Variants in RABGAP1L observed in about 807,000 individuals in gnomAD.
RABGAP1L encodes the protein RAB GTPase activating protein 1 like.
RABGAP1L carries 63 observed loss-of-function variants against 137.7 expected under a neutral mutation model. The ratio of observed to expected loss-of-function variants is 0.46; its 90% CI spans 0.37 to 0.56. The LOEUF (loss-of-function observed/expected upper bound fraction) is 0.56, where lower values mean the gene tolerates loss of function less well. Ranked by LOEUF, RABGAP1L falls within the 20% of genes least tolerant of loss-of-function variation. RABGAP1L has a pLI of 0.00. For synonymous variants in RABGAP1L, 431 were observed against 433.7 expected (o/e 0.99, Z 0.08); for missense variants, 1,095 against 1,244.0 (o/e 0.88, Z 1.80).
intron 19 of RABGAP1L, among the ~76,000 whole-genome samples, chr1:174,889,343 C>T (rs1474855007): frequency 1.3e-5 from 2 of 151,858 alleles, no homozygotes; most frequent in East Asian, 2.0e-4. Flanking sequence ...AGGCTGGTCT[C>T]GAACTGTTGA....
intron 13 of RABGAP1L, among the ~76,000 whole-genome samples, chr1:174,447,889 C>T (rs1159480405): frequency 1.2e-4 from 8 of 68,818 alleles, no homozygotes; most frequent in Admixed American, 2.9e-4. Context: ...CACCCCTTAC[C>T]GCCCCCCCCC....
At chr1:174,542,834 C>A (rs1024305645) in intron 13 of RABGAP1L, among the ~76,000 whole-genome samples, 2 of 152,152 alleles carry the variant, frequency 1.3e-5, no homozygotes, top group African/African-American at 4.8e-5. Flanking sequence ...TTTATTTCTG[C>A]CTTCATTTCG....
chr1:174,420,672 G>GT (rs1340488223), intron 13 of RABGAP1L, among the ~76,000 whole-genome samples: 7 of 123,760 alleles, frequency 5.7e-5, no homozygotes, highest in African/African-American at 1.2e-4. Flanking sequence ...GATTCTGGGT[G>GT]TTTTGTTTTT....
At chr1:174,820,013 G>A (rs1025657489) in intron 19 of RABGAP1L, among the ~76,000 whole-genome samples, 1 of 152,080 alleles carries the variant, frequency 6.6e-6, no homozygotes, top group Non-Finnish European at 1.5e-5. Context: ...ACAGGATCTA[G>A]GATGAAGGGA....
At chr1:174,230,327 A>C (rs1367729574) in intron 3 of RABGAP1L, among the ~76,000 whole-genome samples, 1 of 152,128 alleles carries the variant, frequency 6.6e-6, no homozygotes, top group Non-Finnish European at 1.5e-5. Flanking sequence ...CAGCACACCA[A>C]CATGGCACAT....
chr1:174,173,184 G>T (rs762111105), intron 1 of RABGAP1L, among the ~76,000 whole-genome samples: 64 of 150,924 alleles, frequency 4.2e-4, no homozygotes, highest in Non-Finnish European at 8.1e-4. Context: ...AGGCTGGAGT[G>T]CAATGGCATG....
At chr1:174,838,448 G>T (rs996390991) in intron 19 of RABGAP1L, among the ~76,000 whole-genome samples, 2 of 152,154 alleles carry the variant, frequency 1.3e-5, no homozygotes, top group African/African-American at 4.8e-5. Flanking sequence ...CAGAACATTT[G>T]ACCTAAAGCA....
chr1:174,446,375 G>C (rs1167616595), intron 13 of RABGAP1L, among the ~76,000 whole-genome samples: 1 of 152,202 alleles, frequency 6.6e-6, no homozygotes, highest in Admixed American at 6.5e-5. Flanking sequence ...TGGTGCACCA[G>C]AAAATAACTT....
At chr1:174,306,764 C>T (rs1678299451) in intron 11 of RABGAP1L, among the ~76,000 whole-genome samples, 1 of 152,004 alleles carries the variant, frequency 6.6e-6, no homozygotes, top group African/African-American at 2.4e-5. Flanking sequence ...CAATAACTGA[C>T]CTCACAAAAA....
chr1:174,858,827 A>C (rs1280999761), intron 19 of RABGAP1L, among the ~76,000 whole-genome samples: 4 of 152,212 alleles, frequency 2.6e-5, no homozygotes, highest in African/African-American at 9.7e-5. Flanking sequence ...TCTGGTAATA[A>C]ATGTCTCATC....
chr1:174,301,512 T>TA (rs1402579381), intron 10 of RABGAP1L, among the ~76,000 whole-genome samples: 2 of 151,694 alleles, frequency 1.3e-5, no homozygotes, highest in Non-Finnish European at 2.9e-5. Context: ...GCCACAATGT[T>TA]ACAGCCTTCT....
intron 11 of RABGAP1L, among the ~76,000 whole-genome samples, chr1:174,327,988 T>TATATATATATAC (rs1680644253): frequency 4.4e-5 from 1 of 22,802 alleles, no homozygotes; most frequent in African/African-American, 1.4e-4. Flanking sequence ...TACACACACA[T>TATATATATATAC]ATATATATAT....
intron 19 of RABGAP1L, among the ~76,000 whole-genome samples, chr1:174,843,682 A>G (rs2148955829): frequency 1.4e-5 from 1 of 71,078 alleles, no homozygotes; most frequent in East Asian, 3.5e-4. Flanking sequence ...ATGCCGCAAT[A>G]AACATACGTG....
At chr1:174,958,107 T>A in intron 20 of RABGAP1L, 1 of 1,510,834 alleles carries the variant, frequency 6.6e-7, no homozygotes. Flanking sequence ...TGTTTCAAAC[T>A]TGCCTCTGTC....
At chr1:174,719,077 T>C (rs143385942) in intron 17 of RABGAP1L, among the ~76,000 whole-genome samples, 2,312 of 152,064 alleles carry the variant, frequency 0.015, 172 homozygotes, top group Admixed American at 0.13. Flanking sequence ...AACCTCAGGT[T>C]ATCCTCCCGC....
rs1231635118 is a variant in RABGAP1L, at chr1:174,540,501, T to C, written c.1711-96874T>C. On this transcript the variant is annotated intron_variant, in intron 13 of 25. Transcript: ENST00000681986. ...TATACGGAAGGGATCCAGTTTCAGC[T>C]TTCTACGTATGGCTAGCCAGTTTTC... Among the ~76,000 whole-genome samples, 4 of 152,226 alleles carry C rather than the reference T, an allele frequency of 2.6e-5. No individual in the cohort carries two copies. The East Asian group carries it at 7.7e-4, about 29-fold the overall frequency.
chr1:174,653,823 T>C (rs928156366), intron 14 of RABGAP1L, among the ~76,000 whole-genome samples: 1 of 152,244 alleles, frequency 6.6e-6, no homozygotes, highest in African/African-American at 2.4e-5. Context: ...CATATTTTCT[T>C]TGTCCTAGAG....
intron 14 of RABGAP1L, among the ~76,000 whole-genome samples, chr1:174,668,311 C>A (rs1205858209): frequency 6.6e-6 from 1 of 152,146 alleles, no homozygotes; most frequent in East Asian, 1.9e-4. Context: ...CTTTCTAATT[C>A]AATGAGGTCA....
At chr1:174,237,105 T>G (rs1234886752) in intron 4 of RABGAP1L, among the ~76,000 whole-genome samples, 1 of 148,830 alleles carries the variant, frequency 6.7e-6, no homozygotes, top group Non-Finnish European at 1.5e-5. Flanking sequence ...TGTCTTTTTT[T>G]GTTTTCCATT....
Sources: allele counts gnomAD v4.1 joint callset (sites outside exome capture counted in the v4.1 genomes callset), GRCh38; gene constraint gnomAD v4.1.1; transcripts MANE v1.5; gene names NCBI Gene and HGNC (gene_info 2026-07-23, HGNC 2026-07-21).